Variants in CELSR1 observed in about 807,000 individuals in gnomAD.
CELSR1 encodes the protein cadherin EGF LAG seven-pass G-type receptor 1.
In CELSR1, 110 loss-of-function variants were observed where a neutral mutation model predicts 249.1. The ratio of observed to expected loss-of-function variants is 0.44; its 90% CI spans 0.38 to 0.52. The LOEUF (loss-of-function observed/expected upper bound fraction) is 0.52, where lower values mean the gene tolerates loss of function less well. CELSR1 is among the 20% of genes least tolerant of loss of function. The pLI is 0.00. For synonymous variants in CELSR1, 2,113 were observed against 1,900.0 expected, an observed-to-expected ratio of 1.11 and a Z score of -2.92; for missense variants, 4,109 against 4,296.4, an observed-to-expected ratio of 0.96 and a Z score of 1.22.
rs2079136590 is a variant in CELSR1 at position 46,395,345 on chromosome 22, C to T, written c.5844-1083G>A. ...CTGCCACTTTAGTGCTGGGCCCCCA[C>T]GGCCTCCACACAGCCGAATTCTGTT... is the stretch of plus-strand genomic sequence containing the variant. On this transcript the variant is annotated intron_variant, in intron 13 of 34. Transcript: ENST00000674500. This position sits in a 1 kb window ranked among gnomAD's most constrained non-coding sequence, Gnocchi z 5.5. Among the ~76,000 whole-genome samples the T allele has an allele frequency of 6.6e-6, 1 of 152,152 alleles. No homozygotes were observed. The highest frequency in any genetic ancestry group is 2.4e-5 in the African/African-American group (1 of 41,436).
rs2079565101 is a variant in CELSR1, at chr22:46,428,987, A to G, written c.4611+4406T>C. 6.6e-6 allele frequency among the ~76,000 whole-genome samples: 1 copy of G among 151,992 alleles called. No homozygotes were observed. The highest frequency in any genetic ancestry group is 1.5e-5 in the Non-Finnish European group (1 of 67,976). On this transcript the variant is annotated intron_variant, in intron 5 of 34. Coordinates refer to ENST00000674500, the MANE Select transcript of CELSR1 (RefSeq NM_001378328.1). This position sits in a 1 kb window ranked among gnomAD's most constrained non-coding sequence, Gnocchi z 5.7. ...TTGCTTCCCCAGGGCCCCGTTAAACATCTTGCTGGCACGTCTGTGTCCCCG... is the reference window on the plus strand; with the variant it reads ...TTGCTTCCCCAGGGCCCCGTTAAACGTCTTGCTGGCACGTCTGTGTCCCCG...
At position 46,391,732 on chromosome 22, in the gene CELSR1, T is replaced by G; in HGVS notation, c.6049A>C (p.Met2017Leu). ...PHGSHSRTCD[M>L]ATGQCACKPG... ...TTGCAGGCACACTGCCCGGTGGCCA[T>G]GTCGCAAGTGCGGCTGTGGGAGCCA... The change falls in exon 15 of 35, where the codon ATG becomes CTG. Residue 2017 changes from methionine to leucine, a missense_variant. This residue lies in a region of CELSR1 where 1,805 missense variants were observed against 1,831.6 expected (regional missense o/e 0.99). Coordinates refer to ENST00000674500, the MANE Select transcript of CELSR1 (RefSeq NM_001378328.1). The surrounding 1 kb of genome is among the most constrained non-coding windows in gnomAD (Gnocchi z 4.3). The G allele has an allele frequency of 6.2e-7, 1 of 1,612,342 alleles. No individual in the cohort carries two copies. Among genetic ancestry groups the G allele is most frequent in the Non-Finnish European group, 8.5e-7 (1 of 1,179,858 alleles).
intron 2 of CELSR1, among the ~76,000 whole-genome samples, chr22:46,455,529 G>T (rs2079937821): frequency 6.6e-6 from 1 of 152,168 alleles, no homozygotes; most frequent in Admixed American, 6.5e-5. Context: ...TTGAATTCCT[G>T]ACCTCAAGTG....
rs1030530629 is a variant in CELSR1 at position 46,472,642 on chromosome 22, G to A, written c.3545-8297C>T. On this transcript the variant is annotated intron_variant, in intron 1 of 34. Transcript: ENST00000674500. The surrounding 1 kb of genome is among the most constrained non-coding windows in gnomAD (Gnocchi z 7.0). ...GGTGGCATCAGCTCCCGGGGCCGTC[G>A]GAGCAAAGGGCCGCCGCTGCATCAC... 7.9e-5 allele frequency among the ~76,000 whole-genome samples: 12 copies of A among 152,222 alleles called. No homozygotes were observed. Among genetic ancestry groups the A allele is most frequent in the South Asian group, 2.1e-4 (1 of 4,836 alleles).
Position 46,513,062 on chromosome 22 carries a change from C to T in CELSR1, c.3544+20565G>A, listed in dbSNP as rs187712389. On this transcript the variant is annotated intron_variant, in intron 1 of 34. Transcript: ENST00000674500. ...CCTCCCCAGTGGAGTGAATAGGAGG[C>T]CATTTAACCAGTGAGTGACTTCTGG... 3.8e-3 allele frequency among the ~76,000 whole-genome samples: 578 copies of T among 152,306 alleles called. 5 individuals carry two copies. Among genetic ancestry groups the T allele is most frequent in the African/African-American group, 0.013 (544 of 41,558 alleles).
At chr22:46,400,057 C>T (rs1448447448) in intron 9 of CELSR1, 155 bp from the exon 10 acceptor site, 8 of 748,978 alleles carry the variant, frequency 1.1e-5, no homozygotes, top group South Asian at 1.9e-5. Context: ...TGGCCAGGTG[C>T]GGTGGCTCAG....
rs1346069265 is a variant in CELSR1 at position 46,448,378 on chromosome 22, TAGG to T, written c.4184-8970_4184-8968del. Among the ~76,000 whole-genome samples the T allele has an allele frequency of 6.6e-6, 1 of 151,248 alleles. No individual in the cohort carries two copies. The highest frequency in any genetic ancestry group is 2.4e-5 in the African/African-American group (1 of 41,072). ...ACCCCTGGGGGGCTGCTCCAGGAGC[TAGG>T]AGAAGAGAGATGCAGGGTCTCAGGG... On this transcript the variant is annotated intron_variant, in intron 2 of 34. Coordinates refer to ENST00000674500, the MANE Select transcript of CELSR1 (RefSeq NM_001378328.1). The surrounding 1 kb of genome is among the most constrained non-coding windows in gnomAD (Gnocchi z 5.7).
chr22:46,455,681 C>G (rs982598125), intron 2 of CELSR1, among the ~76,000 whole-genome samples: 1 of 152,282 alleles, frequency 6.6e-6, no homozygotes, highest in South Asian at 2.1e-4. Flanking sequence ...TCACGGAAGC[C>G]GGAGGAGGAC....
chr22:46,515,157 T>C (rs530859568), intron 1 of CELSR1, among the ~76,000 whole-genome samples: 17 of 152,144 alleles, frequency 1.1e-4, no homozygotes, highest in Admixed American at 4.6e-4. Flanking sequence ...GGACACAGCA[T>C]GGGCAGTAGG....
At position 46,381,723 on chromosome 22, in the gene CELSR1, C is replaced by G. The variant is rs1450425120; in HGVS notation, c.7088+123G>C. The G allele has an allele frequency of 3.2e-6, 3 of 929,004 alleles. No homozygotes were observed. The highest frequency in any genetic ancestry group is 4.8e-6 in the Non-Finnish European group (3 of 630,092). 57.5% of individuals were successfully genotyped at this position (929,004 alleles called of 1,614,324 possible). ...AAGGCAATGGTCTCTGTCTCTGGGC[C>G]AGGGTCACGGTGAAATGTCACTGTG... is the stretch of plus-strand genomic sequence containing the variant. On this transcript the variant is annotated intron_variant, in intron 21 of 34. Coordinates refer to ENST00000674500, the MANE Select transcript of CELSR1 (RefSeq NM_001378328.1). This position sits in a 1 kb window ranked among gnomAD's most constrained non-coding sequence, Gnocchi z 6.0.
rs117809443 is a variant in CELSR1 at position 46,379,660 on chromosome 22, G to C, written c.7257-943C>G. Reference sequence around the variant, plus strand: ...GAAAGCACAGAAGCAGGAGAAGAATGAGGCTGGGCTAACCGGGCTCGCTCA... The same window carrying C: ...GAAAGCACAGAAGCAGGAGAAGAATCAGGCTGGGCTAACCGGGCTCGCTCA... On this transcript the variant is annotated intron_variant, in intron 22 of 34. Transcript: ENST00000674500. Among the ~76,000 whole-genome samples the C allele has an allele frequency of 2.9e-3, 443 of 152,356 alleles. 3 individuals are homozygous for C. The highest frequency in any genetic ancestry group is 4.7e-3 in the Non-Finnish European group (321 of 68,040).
chr22:46,385,920 G>A (rs12165338), intron 19 of CELSR1, among the ~76,000 whole-genome samples: 15,785 of 148,620 alleles, frequency 0.11, 1,410 homozygotes, highest in African/African-American at 0.25. Context: ...CCTGTGATCC[G>A]CCCACCTTGG....
intron 1 of CELSR1, among the ~76,000 whole-genome samples, chr22:46,469,239 C>T (rs947087773): frequency 2.0e-4 from 30 of 152,148 alleles, no homozygotes; most frequent in African/African-American, 6.8e-4. Context: ...CACCTTGCTC[C>T]CCTGTGGTCC....
At chr22:46,469,698 T>A (rs1483868938) in intron 1 of CELSR1, among the ~76,000 whole-genome samples, 1 of 151,528 alleles carries the variant, frequency 6.6e-6, no homozygotes, top group Non-Finnish European at 1.5e-5. Flanking sequence ...GTATTTTTAG[T>A]AGACGAGGTT....
At position 46,409,819 on chromosome 22, in the gene CELSR1, G is replaced by C. The variant is rs777093096; in HGVS notation, c.4995C>G (p.Val1665=). 6.8e-6 allele frequency: 11 copies of C among 1,613,652 alleles called. No individual in the cohort carries two copies. Among genetic ancestry groups the C allele is most frequent in the Non-Finnish European group, 9.3e-6 (11 of 1,179,850 alleles). ...GRRCQNGGTC[V]NRWNMYLCEC... Reference sequence around the variant, plus strand: ...CACACAGATACATATTCCACCTGTTGACACAGGTGCCTCCATTCTGACACC... The same window carrying C: ...CACACAGATACATATTCCACCTGTTCACACAGGTGCCTCCATTCTGACACC... The change falls in exon 8 of 35, where the codon GTC becomes GTG. Residue 1665 remains valine, a synonymous_variant. Coordinates refer to ENST00000674500, the MANE Select transcript of CELSR1 (RefSeq NM_001378328.1). The surrounding 1 kb of genome is among the most constrained non-coding windows in gnomAD (Gnocchi z 9.8).
rs1009903975 is a variant in CELSR1 at position 46,391,690 on chromosome 22, G to A, written c.6091C>T (p.Arg2031Cys). 7.5e-6 allele frequency: 12 copies of A among 1,609,802 alleles called. No individual in the cohort carries two copies. The highest frequency in any genetic ancestry group is 9.3e-6 in the Non-Finnish European group (11 of 1,179,396). The change falls in exon 15 of 35, where the codon CGC (arginine) becomes TGC (cysteine). Residue 2031 changes from arginine to cysteine, a missense_variant. Physicochemically the swap from Arg to Cys is radical, Grantham distance 180. Transcript: ENST00000674500. The surrounding 1 kb of genome is among the most constrained non-coding windows in gnomAD (Gnocchi z 4.3). Reference protein sequence around the residue: ...QCACKPGVIGRQCNRCDNPFA... With the variant: ...QCACKPGVIGCQCNRCDNPFA... ...GGGTTGTCGCAGCGGTTGCACTGGC[G>A]GCCGATGACGCCGGGCTTGCAGGCA...
chr22:46,515,346 G>A (rs773159434), intron 1 of CELSR1, among the ~76,000 whole-genome samples: 3 of 152,234 alleles, frequency 2.0e-5, no homozygotes, highest in Non-Finnish European at 4.4e-5. Context: ...GTATCACAAA[G>A]GCTAGCTTGT....
chr22:46,422,104 AT>A (rs58555846), intron 5 of CELSR1, among the ~76,000 whole-genome samples: 53,751 of 151,598 alleles, frequency 0.35, 12,342 homozygotes, highest in African/African-American at 0.66. Context: ...CTTTTTGTTT[AT>A]TTTTTTTGTT....
rs1386796223 is a variant in CELSR1, at chr22:46,430,543, G to T, written c.4611+2850C>A. On this transcript the variant is annotated intron_variant, in intron 5 of 34. Coordinates refer to ENST00000674500, the MANE Select transcript of CELSR1 (RefSeq NM_001378328.1). This position sits in a 1 kb window ranked among gnomAD's most constrained non-coding sequence, Gnocchi z 4.6. ...GGCCCTGGACACCCCTCATCGTCCA[G>T]CCCCAACGCCTCCTCCTCCTGGGGG... Among the ~76,000 whole-genome samples the T allele has an allele frequency of 1.3e-5, 2 of 151,988 alleles. No homozygotes were observed. The highest frequency in any genetic ancestry group is 2.9e-5 in the Non-Finnish European group (2 of 67,982).
Sources: allele counts gnomAD v4.1 joint callset (sites outside exome capture counted in the v4.1 genomes callset), GRCh38; gene constraint gnomAD v4.1.1; regional missense constraint gnomAD v4.1.1; non-coding constraint Gnocchi (gnomAD v3.1); transcripts MANE v1.5; gene names NCBI Gene and HGNC (gene_info 2026-07-23, HGNC 2026-07-21).